Variants in ZMYM2 observed in about 807,000 individuals in gnomAD.
ZMYM2 encodes the protein zinc finger MYM-type protein 2.
A neutral mutation model predicts 162.8 loss-of-function variants in ZMYM2; 56 were observed. That is an observed-to-expected ratio of 0.34 (90% CI 0.28 to 0.43). The LOEUF (loss-of-function observed/expected upper bound fraction) is 0.43. ZMYM2 is among the 20% of genes least tolerant of loss of function. The pLI is 1.00. For missense variants in ZMYM2, 1,275 were observed against 1,621.8 expected (o/e 0.79, Z 3.67); for synonymous variants, 510 against 541.6 (o/e 0.94, Z 0.81).
chr13:19,941,047 C>G, the ZMYM2 span, among the ~76,000 whole-genome samples: 2 of 152,108 alleles, frequency 1.3e-5, no homozygotes, highest in Non-Finnish European at 2.9e-5. Context: ...TGGTGGCTCA[C>G]TCCTGTAATC....
At chr13:19,946,174 A>G in the ZMYM2 span, among the ~76,000 whole-genome samples, 38 of 152,268 alleles carry the variant, frequency 2.5e-4, no homozygotes, top group South Asian at 7.9e-3. Context: ...CTACCCTACG[A>G]CAATTCCCCA....
chr13:19,955,934 T>C (rs1156382761), upstream of ZMYM2, among the ~76,000 whole-genome samples: 1 of 152,252 alleles, frequency 6.6e-6, no homozygotes, highest in African/African-American at 2.4e-5. Flanking sequence ...GGTATGCTTT[T>C]TGACAGGTAC....
rs1332059582 is a variant in ZMYM2 at position 20,088,444 on chromosome 13, A to AT, written c.*2435dup. The stretch of plus-strand genomic sequence containing the variant: ...TTGAAATGTTTATTGAAGATGCTAT[A>AT]TTTTTCTGTTCTGTTTTCTGAAGAT... On this transcript the variant is annotated 3_prime_UTR_variant, in exon 25 of 25. Coordinates refer to ENST00000610343, the MANE Select transcript of ZMYM2 (RefSeq NM_197968.4). 5.0e-6 allele frequency: 1 copy of AT among 200,934 alleles called. No homozygotes were observed. Among genetic ancestry groups the AT allele is most frequent in the Non-Finnish European group, 1.0e-5 (1 of 97,470 alleles). The allele number at this position is 200,934 out of a possible 1,614,324, so 12.4% of individuals were successfully genotyped here. A position where few individuals can be genotyped will look rare whatever the true frequency, so the allele number is the denominator to read the frequency against.
At chr13:20,028,130 A>G (rs1341627290) in intron 9 of ZMYM2, 3 of 167,396 alleles carry the variant, frequency 1.8e-5, no homozygotes, top group African/African-American at 7.2e-5. Context: ...TAGTTACTAT[A>G]TCACTTATTA....
chr13:20,071,229 T>G (rs1232784786), intron 21 of ZMYM2, among the ~76,000 whole-genome samples: 1 of 152,214 alleles, frequency 6.6e-6, no homozygotes, highest in Admixed American at 6.5e-5. Context: ...CCCACCATCA[T>G]GCCCAGCTAA....
chr13:20,005,272 A>G, intron 5 of ZMYM2, 33 bp downstream of exon 5: 1 of 1,416,492 alleles, frequency 7.1e-7, no homozygotes, highest in Non-Finnish European at 9.4e-7. Context: ...ATTTAATTCT[A>G]ACAAATAGGA....
chr13:20,018,807 C>T (rs1052693140), intron 6 of ZMYM2, among the ~76,000 whole-genome samples: 1 of 152,256 alleles, frequency 6.6e-6, no homozygotes, highest in Admixed American at 6.5e-5. Flanking sequence ...ATGCCAGACA[C>T]GGTGGCTCAC....
intron 7 of ZMYM2, among the ~76,000 whole-genome samples, chr13:20,021,990 C>G (rs146811346): frequency 1.0e-3 from 159 of 152,300 alleles, no homozygotes; most frequent in Non-Finnish European, 1.3e-3. Flanking sequence ...TAAGTAGGCT[C>G]TGTTAACCTC....
chr13:20,036,175 A>G lies in ZMYM2; in HGVS notation c.2120-562A>G, dbSNP rs1594499082. ...ATAGGGAATAAATAAGGATATGTAA[A>G]AATACTTAATGCGTTTATGTAGTAG... On this transcript the variant is annotated intron_variant, in intron 11 of 24. Transcript: ENST00000610343. Among the ~76,000 whole-genome samples the G allele has an allele frequency of 5.9e-5, 9 of 152,276 alleles. No individual in the cohort carries two copies. The South Asian group carries it at 1.9e-3, about 32-fold the overall frequency.
At chr13:19,875,624 C>A in the ZMYM2 span, among the ~76,000 whole-genome samples, 3 of 43,204 alleles carry the variant, frequency 6.9e-5, no homozygotes, top group African/African-American at 2.2e-4. Context: ...AAGACTCCAT[C>A]GCAAAAAAAA....
At chr13:20,062,789 C>T in intron 17 of ZMYM2, 57 bp from the exon 18 acceptor site, 1 of 1,455,734 alleles carries the variant, frequency 6.9e-7, no homozygotes, top group Non-Finnish European at 9.1e-7. Context: ...AGATTAAATA[C>T]AGATACCATT....
chr13:19,977,969 C>T (rs910895089), intron 2 of ZMYM2, among the ~76,000 whole-genome samples: 178 of 151,446 alleles, frequency 1.2e-3, no homozygotes, highest in African/African-American at 3.2e-3. Flanking sequence ...CCCCGCCTCC[C>T]GGGTTCATGC....
chr13:20,013,529 A>AT (rs926529540), intron 6 of ZMYM2, among the ~76,000 whole-genome samples: 35 of 152,136 alleles, frequency 2.3e-4, no homozygotes, highest in Non-Finnish European at 4.3e-4. Context: ...GAGGAAAATA[A>AT]TTTTTTTACC....
the ZMYM2 span, among the ~76,000 whole-genome samples, chr13:19,927,019 C>T: frequency 6.6e-6 from 1 of 152,310 alleles, no homozygotes; most frequent in East Asian, 1.9e-4. Flanking sequence ...TCTATTTCTT[C>T]TTGAACTAGT....
upstream of ZMYM2, among the ~76,000 whole-genome samples, chr13:19,954,432 A>G (rs1345621728): frequency 6.6e-6 from 1 of 151,932 alleles, no homozygotes; most frequent in African/African-American, 2.4e-5. Context: ...AAATTTTTTA[A>G]GATGACATGT....
chr13:19,969,487 TTGTGA>T (rs894162251), intron 2 of ZMYM2, among the ~76,000 whole-genome samples: 54 of 152,212 alleles, frequency 3.5e-4, no homozygotes, highest in Non-Finnish European at 5.1e-4. Context: ...TTCAAGGAAC[TTGTGA>T]TGAGAGTGCT....
At chr13:19,885,858 A>ATAT in the ZMYM2 span, among the ~76,000 whole-genome samples, 152 of 45,700 alleles carry the variant, frequency 3.3e-3, 22 homozygotes, top group Middle Eastern at 0.02. Context: ...AAAAAAAAAA[A>ATAT]AAAAATATAT....
At chr13:19,969,883 T>A in intron 2 of ZMYM2, 1 of 264,798 alleles carries the variant, frequency 3.8e-6, no homozygotes, top group Non-Finnish European at 5.8e-6. Context: ...AAAAAAGAGT[T>A]TTGAGTCTTA....
intron 14 of ZMYM2, among the ~76,000 whole-genome samples, chr13:20,058,334 C>T (rs897002093): frequency 2.6e-5 from 4 of 152,016 alleles, no homozygotes; most frequent in African/African-American, 9.7e-5. Context: ...TGATGGTATC[C>T]TTTGAAGGTG....
Sources: allele counts gnomAD v4.1 joint callset (sites outside exome capture counted in the v4.1 genomes callset), GRCh38; gene constraint gnomAD v4.1.1; transcripts MANE v1.5; gene names NCBI Gene and HGNC (gene_info 2026-07-23, HGNC 2026-07-21).